RORA: variants seen among roughly 807,000 people sequenced by gnomAD.
The protein encoded by RORA is RAR related orphan receptor A.
RORA carries 7 observed loss-of-function variants against 69.5 expected under a neutral mutation model. That is an observed-to-expected ratio of 0.10 (90% CI 0.06 to 0.19). The LOEUF (loss-of-function observed/expected upper bound fraction) is 0.19, where lower values mean the gene tolerates loss of function less well. Among genes scored for constraint, RORA ranks in the 10% least tolerant of loss-of-function variants. The pLI, the probability that RORA is intolerant of heterozygous loss-of-function variation, is 1.00. For missense variants in RORA, 457 were observed against 663.0 expected, an observed-to-expected ratio of 0.69 and a Z score of 3.41; for synonymous variants, 261 against 240.8, an observed-to-expected ratio of 1.08 and a Z score of -0.78.
intron 1 of RORA, among the ~76,000 whole-genome samples, chr15:61,180,481 T>C (rs1412874178): frequency 6.6e-6 from 1 of 152,226 alleles, no homozygotes; most frequent in African/African-American, 2.4e-5. Flanking sequence ...TACCTTGCTG[T>C]GTTCTGCGGC....
chr15:60,534,629 G>GA lies in RORA; in HGVS notation c.197-2779dup, dbSNP rs1032283340. Among the ~76,000 whole-genome samples the GA allele has an allele frequency of 2.0e-5, 3 of 152,124 alleles. No homozygotes were observed. Among genetic ancestry groups the GA allele is most frequent in the Non-Finnish European group, 4.4e-5 (3 of 68,016 alleles). On this transcript the variant is annotated intron_variant, in intron 2 of 10. Transcript: ENST00000335670. The surrounding 1 kb of genome is among the most constrained non-coding windows in gnomAD (Gnocchi z 5.0). ...TAGAAGGGTTTCTGGATAGCAAGTTGAGGTATTCTGATTGGTTAAACTATT... is the reference window on the plus strand; with the variant it reads ...TAGAAGGGTTTCTGGATAGCAAGTTGAAGGTATTCTGATTGGTTAAACTATT...
intron 1 of RORA, among the ~76,000 whole-genome samples, chr15:60,715,220 T>C (rs1368883642): frequency 6.6e-6 from 1 of 152,138 alleles, no homozygotes; most frequent in African/African-American, 2.4e-5. Flanking sequence ...TGGGAAGACC[T>C]ACAAGGAGCA....
At chr15:60,570,540 G>A (rs1378386286) in intron 2 of RORA, among the ~76,000 whole-genome samples, 1 of 152,062 alleles carries the variant, frequency 6.6e-6, no homozygotes, top group African/African-American at 2.4e-5. Context: ...TGTAGAGACA[G>A]TGTTTCACCA....
intron 1 of RORA, among the ~76,000 whole-genome samples, chr15:61,219,994 T>A (rs894406131): frequency 6.6e-6 from 1 of 152,234 alleles, no homozygotes; most frequent in Non-Finnish European, 1.5e-5. Context: ...TTGACTGTCA[T>A]CCTTCACACT....
At chr15:61,166,220 G>A (rs1039735363) in intron 1 of RORA, among the ~76,000 whole-genome samples, 6 of 152,174 alleles carry the variant, frequency 3.9e-5, no homozygotes, top group Admixed American at 6.5e-5. Context: ...TGAGGACCTC[G>A]ATGAAGATGC....
At chr15:61,196,484 A>T (rs1435614581) in intron 1 of RORA, among the ~76,000 whole-genome samples, 1 of 152,226 alleles carries the variant, frequency 6.6e-6, no homozygotes, top group African/African-American at 2.4e-5. Flanking sequence ...ATCTTCTCAG[A>T]AGGAAACTGA....
chr15:61,124,231 G>T (rs541955990), intron 1 of RORA, among the ~76,000 whole-genome samples: 1 of 152,332 alleles, frequency 6.6e-6, no homozygotes, highest in African/African-American at 2.4e-5. Context: ...GGGGCTCAGG[G>T]ATAATGCAAA....
intron 1 of RORA, among the ~76,000 whole-genome samples, chr15:60,951,669 C>T (rs1358121556): frequency 6.6e-6 from 1 of 152,022 alleles, no homozygotes; most frequent in African/African-American, 2.4e-5. Context: ...CACCTCTACG[C>T]AAATAAACTA....
At chr15:60,716,341 A>C (rs934183995) in intron 1 of RORA, among the ~76,000 whole-genome samples, 4 of 152,184 alleles carry the variant, frequency 2.6e-5, no homozygotes, top group African/African-American at 9.6e-5. Flanking sequence ...CTTTTGTATC[A>C]TCTTTCTTCC....
chr15:60,678,819 T>C (rs111671810), intron 1 of RORA, 133 bp from the exon 2 acceptor site: 5 of 730,728 alleles, frequency 6.8e-6, no homozygotes, highest in Admixed American at 4.3e-5. Context: ...AGTTTTAACA[T>C]TGCACAGGAG....
At chr15:60,892,098 G>A (rs2073818772) in intron 1 of RORA, among the ~76,000 whole-genome samples, 1 of 152,234 alleles carries the variant, frequency 6.6e-6, no homozygotes, top group Non-Finnish European at 1.5e-5. Context: ...GACTGCTGCA[G>A]TCAGTTACGG....
At chr15:61,159,668 T>C (rs1474383470) in intron 1 of RORA, among the ~76,000 whole-genome samples, 3 of 152,204 alleles carry the variant, frequency 2.0e-5, no homozygotes, top group Non-Finnish European at 2.9e-5. Context: ...AGGTGACATA[T>C]TGACTGTGGA....
intron 1 of RORA, among the ~76,000 whole-genome samples, chr15:61,007,659 G>C (rs556770094): frequency 1.3e-3 from 198 of 150,462 alleles, no homozygotes; most frequent in Non-Finnish European, 2.5e-3. Flanking sequence ...ATGACAGCAT[G>C]ATCAATGAAA....
intron 1 of RORA, among the ~76,000 whole-genome samples, chr15:60,693,533 T>C (rs188280361): frequency 6.6e-6 from 1 of 152,292 alleles, no homozygotes; most frequent in East Asian, 1.9e-4. Flanking sequence ...CATGATCCTA[T>C]ATCTAGAAAA....
At chr15:61,083,081 C>CA (rs938004366) in intron 1 of RORA, among the ~76,000 whole-genome samples, 12 of 152,184 alleles carry the variant, frequency 7.9e-5, no homozygotes, top group African/African-American at 2.9e-4. Context: ...GCGTCCCTCT[C>CA]AAAAAGGTGT....
At chr15:61,125,035 A>AT (rs1183475015) in intron 1 of RORA, among the ~76,000 whole-genome samples, 2 of 152,132 alleles carry the variant, frequency 1.3e-5, no homozygotes, top group Admixed American at 6.5e-5. Context: ...GATCAATTGG[A>AT]TTTTTTCAAA....
intron 2 of RORA, among the ~76,000 whole-genome samples, chr15:60,609,406 G>A (rs2069030900): frequency 6.6e-6 from 1 of 152,138 alleles, no homozygotes; most frequent in East Asian, 1.9e-4. Context: ...CAGCCTTAGG[G>A]TTAAATGACT....
intron 1 of RORA, among the ~76,000 whole-genome samples, chr15:60,685,804 T>C (rs953895181): frequency 1.3e-5 from 2 of 152,198 alleles, no homozygotes; most frequent in Non-Finnish European, 2.9e-5. Flanking sequence ...GCATTAGCAA[T>C]GTTACGACAA....
chr15:60,842,055 C>G (rs147729008), intron 1 of RORA, among the ~76,000 whole-genome samples: 94 of 152,124 alleles, frequency 6.2e-4, no homozygotes, highest in African/African-American at 2.3e-3. Context: ...TTGACCCCTT[C>G]TTCCTTCTCT....
Sources: gnomAD v4.1 joint callset for allele counts (sites outside exome capture counted in the v4.1 genomes callset) on GRCh38, gnomAD v4.1.1 for gene constraint, Gnocchi (gnomAD v3.1) non-coding constraint, MANE v1.5 for transcripts, NCBI Gene and HGNC (gene_info 2026-07-23, HGNC 2026-07-21) for gene names.